The following TMEM106B variants were observed in gnomAD, a reference collection of about 807,000 sequenced individuals.
TMEM106B encodes transmembrane protein 106B.
A neutral mutation model predicts 31.1 loss-of-function variants in TMEM106B; 15 were observed. The observed-to-expected ratio is 0.48, with a 90% CI of 0.32 to 0.74. TMEM106B has a LOEUF of 0.74. Ranked by LOEUF, TMEM106B falls within the 30% of genes least tolerant of loss-of-function variation. TMEM106B has a pLI of 0.03. For synonymous variants in TMEM106B, 126 were observed against 112.5 expected (o/e 1.12, Z -0.76); for missense variants, 283 against 327.3 (o/e 0.86, Z 1.04).
chr7:12,229,274 C>G (rs1781964825), intron 4 of TMEM106B, among the ~76,000 whole-genome samples: 1 of 152,132 alleles, frequency 6.6e-6, no homozygotes, highest in Admixed American at 6.5e-5. Flanking sequence ...AGACTTGAAT[C>G]TAGCCCATTT....
intron 3 of TMEM106B, among the ~76,000 whole-genome samples, chr7:12,221,698 CAAGG>C (rs1214563210): frequency 6.6e-6 from 1 of 152,176 alleles, no homozygotes; most frequent in African/African-American, 2.4e-5. Flanking sequence ...GCCTGCAGCA[CAAGG>C]AAGGAACCAA....
Position 12,240,827 on chromosome 7 carries a change from C to T in TMEM106B, c.*8852C>T, listed in dbSNP as rs1270768107. 6.6e-6 allele frequency: 1 copy of T among 152,082 alleles called. No individual in the cohort carries two copies. Among genetic ancestry groups the T allele is most frequent in the African/African-American group, 2.4e-5 (1 of 41,408 alleles). 9.4% of individuals were successfully genotyped at this position (152,082 alleles called of 1,614,324 possible). ...ATTTGAGAGCAGAAGACCTGCAGCC[C>T]CTGACTGCTCACCTTTCCAGGGACC... On this transcript the variant is annotated 3_prime_UTR_variant, in exon 8 of 8. Coordinates refer to ENST00000396668, the MANE Select transcript of TMEM106B (RefSeq NM_001134232.2).
intron 3 of TMEM106B, among the ~76,000 whole-genome samples, chr7:12,220,214 G>T (rs928529095): frequency 6.6e-6 from 1 of 152,072 alleles, no homozygotes; most frequent in African/African-American, 2.4e-5. Flanking sequence ...GAATATGAAG[G>T]AAATTAGGAT....
chr7:12,226,419 A>G (rs371163567), intron 4 of TMEM106B, among the ~76,000 whole-genome samples: 18 of 152,288 alleles, frequency 1.2e-4, no homozygotes, highest in African/African-American at 4.1e-4. Context: ...GAGGTTTTCT[A>G]CCTGTTTTAC....
intron 2 of TMEM106B, among the ~76,000 whole-genome samples, chr7:12,216,390 A>AT (rs1781687776): frequency 1.4e-5 from 2 of 147,868 alleles, no homozygotes; most frequent in East Asian, 2.0e-4. Flanking sequence ...GAAAAAAAAA[A>AT]GATTATTTGA....
chr7:12,228,793 T>G (rs193037405), intron 4 of TMEM106B, among the ~76,000 whole-genome samples: 5 of 152,224 alleles, frequency 3.3e-5, no homozygotes, highest in Admixed American at 6.5e-5. Context: ...CTATAAATTG[T>G]ACTAGTTTGA....
chr7:12,215,649 C>T, intron 2 of TMEM106B: 1 of 383,300 alleles, frequency 2.6e-6, no homozygotes, highest in South Asian at 2.1e-5. Context: ...AATTCTTGGG[C>T]TCAAGCGATC....
At chr7:12,212,037 T>TA (rs1180460458) in intron 1 of TMEM106B, among the ~76,000 whole-genome samples, 2 of 152,192 alleles carry the variant, frequency 1.3e-5, no homozygotes, top group Non-Finnish European at 2.9e-5. Context: ...TAAAAGTGGT[T>TA]ACACTTGTCA....
In TMEM106B at chr7:12,235,508, A is replaced by G. The variant is rs1224604755; in HGVS notation, c.*3533A>G. The G allele has an allele frequency of 1.3e-5, 2 of 151,880 alleles. No homozygotes were observed. The highest frequency in any genetic ancestry group is 4.8e-5 in the African/African-American group (2 of 41,426). 9.4% of individuals were successfully genotyped at this position (151,880 alleles called of 1,614,324 possible). On this transcript the variant is annotated 3_prime_UTR_variant, in exon 8 of 8. Transcript: ENST00000396668. ...TTTACAGTTTGGAAAGGACACCGCA[A>G]TGTTCAAATAGGTAGGAGACCATCA...
chr7:12,224,040 C>T (rs1183954168), intron 3 of TMEM106B, among the ~76,000 whole-genome samples, 186 bp from the exon 4 acceptor site: 1 of 152,112 alleles, frequency 6.6e-6, no homozygotes, highest in African/African-American at 2.4e-5. Context: ...TTAAAGAGAA[C>T]ATCTTAACAC....
At chr7:12,226,749 C>T (rs956317787) in intron 4 of TMEM106B, among the ~76,000 whole-genome samples, 1 of 151,960 alleles carries the variant, frequency 6.6e-6, no homozygotes, top group African/African-American at 2.4e-5. Context: ...CAAAAGTTGC[C>T]GGTTTAAGGG....
Position 12,238,862 on chromosome 7 carries a change from G to A in TMEM106B, c.*6887G>A, listed in dbSNP as rs750886567. ...CAGACTGTTCCATTTATTGAACACAGGCAGAGTAGGTAAAAGTTTTAAGGG... is the reference window on the plus strand; with the variant it reads ...CAGACTGTTCCATTTATTGAACACAAGCAGAGTAGGTAAAAGTTTTAAGGG... On this transcript the variant is annotated 3_prime_UTR_variant, in exon 8 of 8. Transcript: ENST00000396668. The A allele has an allele frequency of 1.3e-5, 2 of 152,080 alleles. No homozygotes were observed. The highest frequency in any genetic ancestry group is 4.8e-5 in the African/African-American group (2 of 41,414). 9.4% of individuals were successfully genotyped at this position (152,080 alleles called of 1,614,324 possible). A position where few individuals can be genotyped will look rare whatever the true frequency, so the allele number is the denominator to read the frequency against.
At chr7:12,230,460 C>A in intron 6 of TMEM106B, 22 bp downstream of exon 6, 1 of 1,446,016 alleles carries the variant, frequency 6.9e-7, no homozygotes, top group South Asian at 1.2e-5. Flanking sequence ...TTTATAATAA[C>A]TTTTTATTGT....
Position 12,238,084 on chromosome 7 carries a change from A to G in TMEM106B, c.*6109A>G, listed in dbSNP as rs1348215296. ...TGTGATGCTGTTTTGATAGCATTTT[A>G]CCAATGGTAGGTCTTTTTTCAAAAT... On this transcript the variant is annotated 3_prime_UTR_variant, in exon 8 of 8. Transcript: ENST00000396668. 1 of 152,480 alleles carries G rather than the reference A, an allele frequency of 6.6e-6. No homozygotes were observed. Among genetic ancestry groups the G allele is most frequent in the Non-Finnish European group, 1.5e-5 (1 of 68,272 alleles). 9.4% of individuals were successfully genotyped at this position (152,480 alleles called of 1,614,324 possible).
chr7:12,223,373 G>T (rs1781825398), intron 3 of TMEM106B, among the ~76,000 whole-genome samples: 1 of 146,168 alleles, frequency 6.8e-6, no homozygotes, highest in Non-Finnish European at 1.6e-5. Flanking sequence ...TATGGAGGAT[G>T]TGCAGGTTTG....
intron 3 of TMEM106B, among the ~76,000 whole-genome samples, chr7:12,221,980 A>G (rs1481993529): frequency 1.3e-5 from 2 of 152,228 alleles, no homozygotes; most frequent in South Asian, 2.1e-4. Flanking sequence ...TAATAAAATT[A>G]TAATATTTTG....
chr7:12,216,385 A>T (rs1781687738), intron 2 of TMEM106B, among the ~76,000 whole-genome samples: 1 of 152,128 alleles, frequency 6.6e-6, no homozygotes, highest in Non-Finnish European at 1.5e-5. Context: ...AAATTGAAAA[A>T]AAAAAGATTA....
At chr7:12,228,239 A>AT (rs1781941542) in intron 4 of TMEM106B, among the ~76,000 whole-genome samples, 1 of 151,552 alleles carries the variant, frequency 6.6e-6, no homozygotes, top group African/African-American at 2.4e-5. Flanking sequence ...ATATTCTTTC[A>AT]TCCTTTTTTT....
chr7:12,218,164 G>A (rs929283309), intron 2 of TMEM106B, among the ~76,000 whole-genome samples: 1 of 151,782 alleles, frequency 6.6e-6, no homozygotes, highest in African/African-American at 2.4e-5. Flanking sequence ...GGAAGGCCTG[G>A]TAAATTTAGC....
Sources: gnomAD v4.1 joint callset for allele counts (sites outside exome capture counted in the v4.1 genomes callset) on GRCh38, gnomAD v4.1.1 for gene constraint, MANE v1.5 for transcripts, NCBI Gene and HGNC (gene_info 2026-07-23, HGNC 2026-07-21) for gene names.